HDAC9: variants seen among roughly 807,000 people sequenced by gnomAD.
HDAC9 encodes MEF-2 interacting transcription repressor (MITR) protein.
A neutral mutation model predicts 139.4 loss-of-function variants in HDAC9; 41 were observed. That is an observed-to-expected ratio of 0.29 (90% CI 0.23 to 0.38). The LOEUF (loss-of-function observed/expected upper bound fraction) is 0.38, where lower values mean the gene tolerates loss of function less well. Ranked by LOEUF, HDAC9 falls within the 10% of genes least tolerant of loss-of-function variation. The pLI, the probability that HDAC9 is intolerant of heterozygous loss-of-function variation, is 1.00. For synonymous variants in HDAC9, 517 were observed against 476.2 expected (o/e 1.09, Z -1.12); for missense variants, 1,147 against 1,297.0 (o/e 0.88, Z 1.78).
intron 17 of HDAC9, among the ~76,000 whole-genome samples, chr7:18,819,967 A>G (rs980011264): frequency 6.6e-6 from 1 of 152,236 alleles, no homozygotes; most frequent in African/African-American, 2.4e-5. Context: ...GTTATTATGT[A>G]GAAAAAAATC....
At chr7:18,694,529 A>T (rs1226167780) in intron 12 of HDAC9, among the ~76,000 whole-genome samples, 1 of 152,214 alleles carries the variant, frequency 6.6e-6, no homozygotes, top group Admixed American at 6.5e-5. Context: ...TTAGCCTATT[A>T]GATAACTGAC....
chr7:18,512,705 G>C (rs1321506725), intron 2 of HDAC9, among the ~76,000 whole-genome samples: 2 of 152,060 alleles, frequency 1.3e-5, no homozygotes, highest in African/African-American at 4.8e-5. Flanking sequence ...CTCATACATA[G>C]TCTGCTGTAA....
chr7:18,364,711 A>AT (rs1434316106), intron 1 of HDAC9, among the ~76,000 whole-genome samples: 7 of 152,216 alleles, frequency 4.6e-5, no homozygotes, highest in Non-Finnish European at 7.4e-5. Flanking sequence ...ACAACCTAAC[A>AT]TGCAGCAGAG....
intron 23 of HDAC9, among the ~76,000 whole-genome samples, chr7:18,952,362 T>C (rs954591448): frequency 1.3e-5 from 2 of 151,978 alleles, no homozygotes; most frequent in Admixed American, 6.6e-5. Flanking sequence ...GTTTTACATA[T>C]ATGATCTGCC....
At chr7:18,585,982 A>G (rs1829359249) in intron 3 of HDAC9, among the ~76,000 whole-genome samples, 1 of 152,222 alleles carries the variant, frequency 6.6e-6, no homozygotes, top group East Asian at 1.9e-4. Flanking sequence ...TGTTCTGAGT[A>G]TGTCCGACTC....
chr7:18,946,036 C>CAAAATAAAAAAAAAA lies in HDAC9; in HGVS notation c.2938-8106_2938-8105insTAAAAAAAAAAAAAA, dbSNP rs1563077235. The stretch of plus-strand genomic sequence containing the variant: ...TGGGTGATAGTACAAGACTCCGTCT[C>CAAAATAAAAAAAAAA]AAAAAAAAAAAAAAAAAAAAAAAAA... On this transcript the variant is annotated intron_variant, in intron 23 of 25. Transcript: ENST00000686413. Among the ~76,000 whole-genome samples the CAAAATAAAAAAAAAA allele has an allele frequency of 1.6e-4, 6 of 38,276 alleles. No homozygotes were observed. In the South Asian group the frequency reaches 5.6e-3, roughly 36 times the overall value. The allele number at this position is 38,276 out of a possible 152,430, so 25.1% of individuals were successfully genotyped here.
chr7:18,955,977 G>A (rs1783118220), intron 24 of HDAC9, among the ~76,000 whole-genome samples: 1 of 152,030 alleles, frequency 6.6e-6, no homozygotes, highest in Non-Finnish European at 1.5e-5. Context: ...TTTTATATTG[G>A]ATCTAATTTC....
intron 1 of HDAC9, among the ~76,000 whole-genome samples, chr7:18,431,457 G>C (rs1475122895): frequency 6.6e-6 from 1 of 152,090 alleles, no homozygotes; most frequent in Non-Finnish European, 1.5e-5. Flanking sequence ...CTTCGTCCGT[G>C]ACATGAATTT....
intron 2 of HDAC9, among the ~76,000 whole-genome samples, chr7:18,207,666 A>T (rs1462565513): frequency 6.7e-6 from 1 of 149,598 alleles, no homozygotes; most frequent in African/African-American, 2.4e-5. Context: ...ACACACACAC[A>T]CTTACATACT....
intron 1 of HDAC9, among the ~76,000 whole-genome samples, chr7:18,088,771 A>G (rs1781957436): frequency 6.6e-6 from 1 of 152,218 alleles, no homozygotes; most frequent in Non-Finnish European, 1.5e-5. Context: ...GTTTGGACCA[A>G]TTTAATTCCC....
intron 25 of HDAC9, among the ~76,000 whole-genome samples, chr7:18,991,011 T>C (rs1027854373): frequency 2.6e-5 from 4 of 152,332 alleles, no homozygotes; most frequent in African/African-American, 4.8e-5. Flanking sequence ...TCTTCTGCGT[T>C]GCCCATGCTG....
At chr7:18,237,291 A>G (rs1793885261) in intron 2 of HDAC9, among the ~76,000 whole-genome samples, 1 of 152,226 alleles carries the variant, frequency 6.6e-6, no homozygotes, top group Admixed American at 6.5e-5. Context: ...TGATTTGGAA[A>G]TATCTAGTCA....
intron 22 of HDAC9, among the ~76,000 whole-genome samples, chr7:18,881,007 G>A (rs1290545661): frequency 1.3e-5 from 2 of 151,874 alleles, no homozygotes; most frequent in African/African-American, 2.4e-5. Flanking sequence ...CTGTATAAAT[G>A]AATTTAGACT....
chr7:18,375,227 T>C lies in HDAC9; in HGVS notation c.-42+84712T>C, dbSNP rs190919464. ...GCTCACGCCTGGAATCCCAGCACTT[T>C]GGGAGGCTGAGGCAGGCGGATTACC... On this transcript the variant is annotated intron_variant, in intron 1 of 3. Coordinates refer to the HDAC9 transcript ENST00000413509. 3.4e-3 allele frequency among the ~76,000 whole-genome samples: 512 copies of C among 152,290 alleles called. 5 individuals are homozygous for C. The highest frequency in any genetic ancestry group is 0.024 in the Middle Eastern group (7 of 294).
chr7:18,504,136 G>A (rs111559182), intron 2 of HDAC9, among the ~76,000 whole-genome samples: 1,524 of 152,184 alleles, frequency 0.01, 29 homozygotes, highest in African/African-American at 0.035. Context: ...TATTCTTGAT[G>A]ATGCTTTTGA....
At chr7:18,620,394 T>G (rs1839886352) in intron 6 of HDAC9, among the ~76,000 whole-genome samples, 2 of 152,188 alleles carry the variant, frequency 1.3e-5, no homozygotes, top group South Asian at 4.1e-4. Flanking sequence ...AATGATAATT[T>G]GTTAAAATGT....
At chr7:18,911,245 G>T (rs1802712339) in intron 22 of HDAC9, among the ~76,000 whole-genome samples, 1 of 149,692 alleles carries the variant, frequency 6.7e-6, no homozygotes, top group South Asian at 2.1e-4. Context: ...TTATACTTGT[G>T]TCCGTTTTAT....
intron 6 of HDAC9, among the ~76,000 whole-genome samples, chr7:18,595,772 G>A (rs564180924): frequency 2.0e-5 from 3 of 151,944 alleles, no homozygotes; most frequent in Non-Finnish European, 4.4e-5. Flanking sequence ...GAAAAGAAGT[G>A]GCATTTGGGA....
At chr7:18,701,378 T>C (rs1275632046) in intron 12 of HDAC9, among the ~76,000 whole-genome samples, 3 of 148,942 alleles carry the variant, frequency 2.0e-5, no homozygotes, top group Non-Finnish European at 4.4e-5. Context: ...AGACATTGAT[T>C]CTGTTGTGGC....
Sources: allele counts gnomAD v4.1 joint callset (sites outside exome capture counted in the v4.1 genomes callset), GRCh38; gene constraint gnomAD v4.1.1; transcripts MANE v1.5; gene names NCBI Gene and HGNC (gene_info 2026-07-23, HGNC 2026-07-21).